B3GLCT: variants seen among roughly 807,000 people sequenced by gnomAD.
B3GLCT encodes beta-1,3-glucosyltransferase.
In B3GLCT, 65 loss-of-function variants were observed where a neutral mutation model predicts 63.4. That is an observed-to-expected ratio of 1.03 (90% CI 0.84 to 1.26). The LOEUF (loss-of-function observed/expected upper bound fraction) is 1.26. Among genes scored for constraint, B3GLCT ranks in the 50% most tolerant of loss-of-function variants. The pLI is 0.00. For synonymous variants in B3GLCT, 233 were observed against 219.2 expected (o/e 1.06, Z -0.55); for missense variants, 577 against 604.8 (o/e 0.95, Z 0.48).
At chr13:31,249,896 G>A (rs1381621138) in intron 6 of B3GLCT, among the ~76,000 whole-genome samples, 1 of 152,144 alleles carries the variant, frequency 6.6e-6, no homozygotes, top group Non-Finnish European at 1.5e-5. Flanking sequence ...TAAACTTTGA[G>A]TACATTAAAA....
intron 1 of B3GLCT, among the ~76,000 whole-genome samples, chr13:31,211,411 C>T (rs7319244): frequency 0.083 from 12,680 of 152,052 alleles, 1,338 homozygotes; most frequent in East Asian, 0.44. Context: ...AAACAAAAAA[C>T]AACTGGAATT....
At chr13:31,225,944 T>A (rs547340909) in intron 3 of B3GLCT, among the ~76,000 whole-genome samples, 4 of 152,184 alleles carry the variant, frequency 2.6e-5, no homozygotes, top group Admixed American at 6.5e-5. Context: ...CGTTTCTAAC[T>A]TTATCACCTA....
At position 31,200,027 on chromosome 13, in the gene B3GLCT, C is replaced by T. The variant is rs1268858850; in HGVS notation, c.-58C>T. 17 of 1,149,820 alleles carry T rather than the reference C, an allele frequency of 1.5e-5. No homozygotes were observed. Among genetic ancestry groups the T allele is most frequent in the Admixed American group, 3.7e-5 (1 of 27,352 alleles). 71.2% of individuals were successfully genotyped at this position (1,149,820 alleles called of 1,614,324 possible). A position where few individuals can be genotyped will look rare whatever the true frequency, so the allele number is the denominator to read the frequency against. ...CGGCGGCGGCAGCGGCGCAGCTCCG[C>T]TCCCCGCGCGTCTCCCTTCCCCGCG... On this transcript the variant is annotated 5_prime_UTR_variant, in exon 1 of 15. Coordinates refer to ENST00000343307, the MANE Select transcript of B3GLCT (RefSeq NM_194318.4).
chr13:31,300,917 G>A lies in B3GLCT; in HGVS notation c.1064+14098G>A, dbSNP rs1593307937. 2.0e-5 allele frequency among the ~76,000 whole-genome samples: 3 copies of A among 152,240 alleles called. No homozygotes were observed. In the East Asian group the frequency reaches 5.8e-4, roughly 29 times the overall value. The stretch of plus-strand genomic sequence containing the variant: ...TAGTTTTTGGTCCCTGAGCAAGGAG[G>A]AGATTAGTTTTAGGGAGAGACTGTT... On this transcript the variant is annotated intron_variant, in intron 12 of 14. Coordinates refer to ENST00000343307, the MANE Select transcript of B3GLCT (RefSeq NM_194318.4).
At chr13:31,316,434 T>TATATATATATATA (rs1566096071) in intron 12 of B3GLCT, among the ~76,000 whole-genome samples, 21 of 110,806 alleles carry the variant, frequency 1.9e-4, no homozygotes, top group Non-Finnish European at 2.7e-4. Flanking sequence ...TATATATAAA[T>TATATATATATATA]TTTTTTTTTT....
At chr13:31,294,379 C>T (rs2035703010) in intron 12 of B3GLCT, among the ~76,000 whole-genome samples, 1 of 152,176 alleles carries the variant, frequency 6.6e-6, no homozygotes, top group South Asian at 2.1e-4. Context: ...TGGGGAAGTT[C>T]TCTTGGATAA....
chr13:31,223,090 G>T, intron 3 of B3GLCT, 99 bp downstream of exon 3: 2 of 825,000 alleles, frequency 2.4e-6, no homozygotes, highest in Non-Finnish European at 2.0e-6. Context: ...TATTTATGGG[G>T]TAAATATTGT....
chr13:31,215,453 G>A (rs573590446), intron 2 of B3GLCT, among the ~76,000 whole-genome samples: 3 of 151,790 alleles, frequency 2.0e-5, no homozygotes, highest in African/African-American at 4.8e-5. Context: ...TCACTCTGTC[G>A]CCCAGGCTGG....
At chr13:31,230,424 G>A (rs1870319012) in intron 4 of B3GLCT, among the ~76,000 whole-genome samples, 1 of 152,176 alleles carries the variant, frequency 6.6e-6, no homozygotes, top group African/African-American at 2.4e-5. Context: ...GTGACAGATT[G>A]TTTTCTTTCT....
chr13:31,217,397 T>C (rs766504425), intron 2 of B3GLCT, among the ~76,000 whole-genome samples: 26 of 152,340 alleles, frequency 1.7e-4, no homozygotes, highest in East Asian at 5.8e-4. Flanking sequence ...CTGTAGGTTA[T>C]CTGTTTACTC....
intron 7 of B3GLCT, among the ~76,000 whole-genome samples, chr13:31,262,514 C>T (rs962406815): frequency 6.6e-6 from 1 of 152,206 alleles, no homozygotes; most frequent in African/African-American, 2.4e-5. Flanking sequence ...TACTGGTCTG[C>T]TTAATTCTGT....
At chr13:31,328,492 G>A (rs1236833322) in intron 14 of B3GLCT, among the ~76,000 whole-genome samples, 3 of 151,992 alleles carry the variant, frequency 2.0e-5, no homozygotes, top group East Asian at 1.9e-4. Context: ...TCAGGGGTTC[G>A]AGACCAGGCT....
At chr13:31,267,987 A>C (rs538098831) in intron 7 of B3GLCT, among the ~76,000 whole-genome samples, 43 of 152,122 alleles carry the variant, frequency 2.8e-4, no homozygotes, top group African/African-American at 9.9e-4. Context: ...ATACAAGTGC[A>C]CCATGCTTGA....
chr13:31,288,138 A>C (rs544576124), intron 12 of B3GLCT, among the ~76,000 whole-genome samples: 1 of 152,182 alleles, frequency 6.6e-6, no homozygotes, highest in South Asian at 2.1e-4. Flanking sequence ...AATGAACCCC[A>C]GGCACACCAT....
intron 12 of B3GLCT, among the ~76,000 whole-genome samples, chr13:31,299,194 A>G (rs1874102576): frequency 1.3e-5 from 2 of 152,312 alleles, no homozygotes. Context: ...GTATGAGCAC[A>G]CACTCTTGAA....
rs776180719 is a variant in B3GLCT at position 31,317,678 on chromosome 13, G to C, written c.1177G>C (p.Gly393Arg). ...GTGGYSYITGGGGMVFSREAV... is the reference protein window; with the variant it reads ...GTGGYSYITGRGGMVFSREAV... The stretch of plus-strand genomic sequence containing the variant: ...TGGTGGCTACAGCTACATCACGGGA[G>C]GAGGAGGGTAACTATGATCACAGCT... Residue 393 changes from glycine to arginine, a missense_variant, in exon 13 of 15, where the codon GGA becomes CGA. By Grantham distance (125) the Gly-to-Arg change is moderately radical. Transcript: ENST00000343307. 1 of 1,613,994 alleles carries C rather than the reference G, an allele frequency of 6.2e-7. No individual in the cohort carries two copies. Among genetic ancestry groups the C allele is most frequent in the Non-Finnish European group, 8.5e-7 (1 of 1,179,958 alleles).
At chr13:31,253,722 C>CA (rs567800473) in intron 6 of B3GLCT, among the ~76,000 whole-genome samples, 14 of 149,458 alleles carry the variant, frequency 9.4e-5, no homozygotes, top group East Asian at 2.0e-4. Flanking sequence ...AAAAACCCTT[C>CA]AAAAAAAATC....
At chr13:31,299,771 A>G (rs191792835) in intron 12 of B3GLCT, among the ~76,000 whole-genome samples, 3 of 152,262 alleles carry the variant, frequency 2.0e-5, no homozygotes, top group East Asian at 1.9e-4. Context: ...TCACCTTCCA[A>G]ACCTGGAAAG....
chr13:31,235,635 A>C (rs1181251419), intron 4 of B3GLCT, among the ~76,000 whole-genome samples: 1 of 152,044 alleles, frequency 6.6e-6, no homozygotes, highest in Non-Finnish European at 1.5e-5. Context: ...GATGCATCCC[A>C]CTCAGTGTGC....
Sources: gnomAD v4.1 joint callset for allele counts (sites outside exome capture counted in the v4.1 genomes callset) on GRCh38, gnomAD v4.1.1 for gene constraint, MANE v1.5 for transcripts, NCBI Gene and HGNC (gene_info 2026-07-23, HGNC 2026-07-21) for gene names.